Variants in SND1 observed in about 807,000 individuals in gnomAD.
SND1 encodes staphylococcal nuclease and tudor domain containing 1, also known as staphylococcal nuclease domain-containing protein 1.
In SND1, 38 loss-of-function variants were observed where a neutral mutation model predicts 121.7. That is an observed-to-expected ratio of 0.31 (90% CI 0.24 to 0.41). The LOEUF (loss-of-function observed/expected upper bound fraction) is 0.41. SND1 is among the 10% of genes least tolerant of loss of function. The pLI is 1.00. For synonymous variants in SND1, 401 were observed against 447.4 expected (o/e 0.90, Z 1.31); for missense variants, 868 against 1,184.6 (o/e 0.73, Z 3.92).
chr7:128,012,100 A>C (rs1247382751), intron 16 of SND1, among the ~76,000 whole-genome samples: 1 of 152,174 alleles, frequency 6.6e-6, no homozygotes, highest in Non-Finnish European at 1.5e-5. Flanking sequence ...AGGGGATTAA[A>C]TTTGGATCAC....
At chr7:128,016,642 G>A (rs1175896675) in intron 16 of SND1, among the ~76,000 whole-genome samples, 1 of 152,216 alleles carries the variant, frequency 6.6e-6, no homozygotes, top group Non-Finnish European at 1.5e-5. Context: ...CTTTACCAAA[G>A]CGTAGAGTAC....
chr7:127,855,891 A>G (rs958670220), intron 12 of SND1, among the ~76,000 whole-genome samples: 6 of 152,180 alleles, frequency 3.9e-5, no homozygotes, highest in Non-Finnish European at 7.4e-5. Flanking sequence ...TTTAGTAAGT[A>G]GTAGCTACCC....
intron 16 of SND1, among the ~76,000 whole-genome samples, chr7:128,025,069 A>G (rs1160104325): frequency 6.6e-6 from 1 of 152,182 alleles, no homozygotes; most frequent in Non-Finnish European, 1.5e-5. Context: ...TCTGTCTGCC[A>G]TTGGGCCTAA....
chr7:128,071,768 G>T (rs1299392015), intron 16 of SND1, among the ~76,000 whole-genome samples: 1 of 152,216 alleles, frequency 6.6e-6, no homozygotes, highest in Non-Finnish European at 1.5e-5. Context: ...GCCTTTGTTT[G>T]ATTGAGAAAT....
intron 11 of SND1, among the ~76,000 whole-genome samples, chr7:127,820,791 C>A (rs981153473): frequency 6.6e-6 from 1 of 152,120 alleles, no homozygotes; most frequent in Admixed American, 6.6e-5. Flanking sequence ...CTTGTAGTAG[C>A]ACTCACTTTC....
chr7:127,903,316 A>G (rs960901953), intron 13 of SND1, among the ~76,000 whole-genome samples: 1 of 152,104 alleles, frequency 6.6e-6, no homozygotes, highest in South Asian at 2.1e-4. Flanking sequence ...GAACCACTGC[A>G]CCCGGCCCCA....
chr7:127,941,444 T>C (rs1801198709), intron 15 of SND1, among the ~76,000 whole-genome samples: 1 of 152,216 alleles, frequency 6.6e-6, no homozygotes, highest in African/African-American at 2.4e-5. Context: ...TGCTTACCTT[T>C]ACTATGAGTA....
intron 11 of SND1, among the ~76,000 whole-genome samples, chr7:127,817,721 C>CT (rs72233818): frequency 0.043 from 4,523 of 104,050 alleles, 534 homozygotes; most frequent in Non-Finnish European, 0.063. Flanking sequence ...TTCCTTCATA[C>CT]TTTTTTTTTT....
chr7:127,652,268 T>A lies in SND1; in HGVS notation c.-106T>A. 4 of 941,994 alleles carry A rather than the reference T, an allele frequency of 4.2e-6. No individual in the cohort carries two copies. In the South Asian group the frequency reaches 5.6e-5, roughly 13 times the overall value. The allele number at this position is 941,994 out of a possible 1,614,324, so 58.4% of individuals were successfully genotyped here. On this transcript the variant is annotated 5_prime_UTR_variant, in exon 1 of 24. Transcript: ENST00000354725. ...CGTCCCGTCCACCGTCCGCAGCTGG[T>A]AGCCAGCCTGCCCCTCGCCTCGACT...
intron 16 of SND1, among the ~76,000 whole-genome samples, chr7:128,053,085 A>G (rs532138426): frequency 6.6e-6 from 1 of 152,366 alleles, no homozygotes; most frequent in Admixed American, 6.5e-5. Context: ...TTGGTGGGGA[A>G]GGGTCTCTTT....
chr7:127,989,227 G>A (rs1240286211), intron 15 of SND1, among the ~76,000 whole-genome samples: 1 of 152,180 alleles, frequency 6.6e-6, no homozygotes, highest in Non-Finnish European at 1.5e-5. Context: ...CTTGGGTGGG[G>A]CCTTCATCTG....
chr7:127,893,232 C>A (rs1020130859), intron 13 of SND1, among the ~76,000 whole-genome samples: 1 of 152,064 alleles, frequency 6.6e-6, no homozygotes, highest in African/African-American at 2.4e-5. Context: ...ATGTGAATTT[C>A]GTCATCATGC....
intron 15 of SND1, among the ~76,000 whole-genome samples, chr7:127,972,672 TG>T (rs1802024767): frequency 6.6e-6 from 1 of 152,148 alleles, no homozygotes. Context: ...CTCTGCCCTC[TG>T]GGTTCAAGCA....
chr7:128,031,346 G>C (rs1197602956), intron 16 of SND1, among the ~76,000 whole-genome samples: 1 of 151,810 alleles, frequency 6.6e-6, no homozygotes, highest in African/African-American at 2.4e-5. Flanking sequence ...GAGTGCGGGG[G>C]CGCCCCGAAG....
At chr7:128,070,667 A>G (rs1325685298) in intron 16 of SND1, among the ~76,000 whole-genome samples, 1 of 152,176 alleles carries the variant, frequency 6.6e-6, no homozygotes, top group Non-Finnish European at 1.5e-5. Context: ...TATTTACAGG[A>G]ATGAGCCTCC....
At chr7:127,971,800 TCTCA>T (rs1801995770) in intron 15 of SND1, among the ~76,000 whole-genome samples, 1 of 146,512 alleles carries the variant, frequency 6.8e-6, no homozygotes, top group South Asian at 2.2e-4. Context: ...TGATTCGGAG[TCTCA>T]CTCTGTCGCC....
intron 10 of SND1, among the ~76,000 whole-genome samples, chr7:127,740,048 G>A (rs1417022600): frequency 3.9e-5 from 6 of 152,130 alleles, no homozygotes; most frequent in Non-Finnish European, 7.3e-5. Flanking sequence ...TGGCAGATTC[G>A]CCCTTGCTAA....
At chr7:127,876,633 A>G (rs1385825044) in intron 12 of SND1, among the ~76,000 whole-genome samples, 1 of 152,184 alleles carries the variant, frequency 6.6e-6, no homozygotes, top group African/African-American at 2.4e-5. Context: ...TGTCCTGCAG[A>G]TAGTTGAAAA....
At position 128,052,524 on chromosome 7, in the gene SND1, T is replaced by C. The variant is rs1793064656; in HGVS notation, c.1780-21978T>C. 6.6e-6 allele frequency among the ~76,000 whole-genome samples: 1 copy of C among 152,238 alleles called. No homozygotes were observed. The highest frequency in any genetic ancestry group is 6.5e-5 in the Admixed American group (1 of 15,280). ...TCTGCTGAAAGGGGTGTAGTCATCC[T>C]GGCCCCAGACAGAGCTGTCTTCCAA... On this transcript the variant is annotated intron_variant, in intron 16 of 23. Coordinates refer to ENST00000354725, the MANE Select transcript of SND1 (RefSeq NM_014390.4). The surrounding 1 kb of genome is among the most constrained non-coding windows in gnomAD (Gnocchi z 4.6).
Sources: gnomAD v4.1 joint callset for allele counts (sites outside exome capture counted in the v4.1 genomes callset) on GRCh38, gnomAD v4.1.1 for gene constraint, Gnocchi (gnomAD v3.1) non-coding constraint, MANE v1.5 for transcripts, NCBI Gene and HGNC (gene_info 2026-07-23, HGNC 2026-07-21) for gene names.